HEMK2: variants seen among roughly 807,000 people sequenced by gnomAD.
HEMK2 encodes the protein methyltransferase HEMK2.
At chr21:28,642,899 A>G in the HEMK2 span, among the ~76,000 whole-genome samples, 2 of 152,202 alleles carry the variant, frequency 1.3e-5, no homozygotes, top group East Asian at 3.9e-4. Flanking sequence ...TAAGCACAGG[A>G]TGGGGGCAAG....
At chr21:28,783,972 C>T in the HEMK2 span, among the ~76,000 whole-genome samples, 761 of 152,312 alleles carry the variant, frequency 5.0e-3, 5 homozygotes, top group African/African-American at 0.017. Context: ...TAATTCTCAC[C>T]GGGCCTCAGC....
the HEMK2 span, among the ~76,000 whole-genome samples, chr21:28,836,095 T>G: frequency 6.6e-6 from 1 of 152,188 alleles, no homozygotes; most frequent in Non-Finnish European, 1.5e-5. Context: ...TTCCTCAGCC[T>G]TGCTAGAGAC....
the HEMK2 span, among the ~76,000 whole-genome samples, chr21:28,627,736 A>G: frequency 1.3e-5 from 2 of 152,164 alleles, no homozygotes; most frequent in Non-Finnish European, 2.9e-5. Flanking sequence ...GGAAAACCCC[A>G]AGTTACCACA....
chr21:28,717,846 G>A, the HEMK2 span, among the ~76,000 whole-genome samples: 1,008 of 152,066 alleles, frequency 6.6e-3, 4 homozygotes, highest in Non-Finnish European at 0.011. Context: ...CTAGTTAGCC[G>A]TCTATTGATC....
At chr21:28,863,253 A>T in the HEMK2 span, among the ~76,000 whole-genome samples, 10 of 151,226 alleles carry the variant, frequency 6.6e-5, no homozygotes, top group Non-Finnish European at 1.5e-4. Context: ...CTTCCAGCCT[A>T]TATCTTTCTC....
the HEMK2 span, among the ~76,000 whole-genome samples, chr21:28,833,789 G>A: frequency 2.0e-5 from 3 of 152,174 alleles, no homozygotes; most frequent in African/African-American, 7.2e-5. Context: ...CATTTGCAGT[G>A]AGTCACTAAA....
chr21:28,586,030 A>G, the HEMK2 span, among the ~76,000 whole-genome samples: 1 of 152,210 alleles, frequency 6.6e-6, no homozygotes, highest in African/African-American at 2.4e-5. Context: ...AACACTAGTG[A>G]TACACAAATG....
chr21:28,790,557 G>A, the HEMK2 span, among the ~76,000 whole-genome samples: 1 of 152,048 alleles, frequency 6.6e-6, no homozygotes, highest in Non-Finnish European at 1.5e-5. Flanking sequence ...CCCAGGGCTG[G>A]TGTGAGAAAA....
At chr21:28,576,871 T>A in the HEMK2 span, among the ~76,000 whole-genome samples, 3 of 152,142 alleles carry the variant, frequency 2.0e-5, no homozygotes, top group Non-Finnish European at 4.4e-5. Context: ...CCACCATACC[T>A]GGCTAATTTT....
the HEMK2 span, among the ~76,000 whole-genome samples, chr21:28,710,816 A>T: frequency 6.6e-6 from 1 of 152,186 alleles, no homozygotes; most frequent in African/African-American, 2.4e-5. Flanking sequence ...GCTATTTTTT[A>T]AAACTTCAGA....
chr21:28,581,434 A>G, the HEMK2 span, among the ~76,000 whole-genome samples: 25 of 152,328 alleles, frequency 1.6e-4, no homozygotes, highest in East Asian at 2.7e-3. Flanking sequence ...TACCCAGGGC[A>G]GAAGGAGTCT....
chr21:28,814,823 G>A, the HEMK2 span, among the ~76,000 whole-genome samples: 4 of 152,050 alleles, frequency 2.6e-5, no homozygotes, highest in Admixed American at 1.3e-4. Context: ...TCGGTGTGGC[G>A]ATTCCTCAGG....
chr21:28,722,470 T>C, the HEMK2 span, among the ~76,000 whole-genome samples: 1 of 152,208 alleles, frequency 6.6e-6, no homozygotes, highest in African/African-American at 2.4e-5. Flanking sequence ...TGTTTGTTGT[T>C]TCAAAAATCA....
chr21:28,705,390 C>T, the HEMK2 span, among the ~76,000 whole-genome samples: 1 of 152,132 alleles, frequency 6.6e-6, no homozygotes, highest in Admixed American at 6.6e-5. Flanking sequence ...CTTCAGGAGG[C>T]TACCTTCCTA....
the HEMK2 span, among the ~76,000 whole-genome samples, chr21:28,578,048 T>C: frequency 6.6e-6 from 1 of 152,194 alleles, no homozygotes; most frequent in African/African-American, 2.4e-5. Context: ...TAATTTAAGA[T>C]CAAGTCTAAA....
chr21:28,871,402 C>T, the HEMK2 span, among the ~76,000 whole-genome samples: 2 of 152,106 alleles, frequency 1.3e-5, no homozygotes, highest in Admixed American at 1.3e-4. Flanking sequence ...ACAACCAGAT[C>T]TCGCTAAGAA....
the HEMK2 span, among the ~76,000 whole-genome samples, chr21:28,713,882 A>C: frequency 6.6e-6 from 1 of 152,250 alleles, no homozygotes; most frequent in East Asian, 1.9e-4. Context: ...TTATATGGCC[A>C]ATATGTACAT....
At chr21:28,755,837 G>A in the HEMK2 span, among the ~76,000 whole-genome samples, 1 of 152,106 alleles carries the variant, frequency 6.6e-6, no homozygotes, top group Non-Finnish European at 1.5e-5. Flanking sequence ...ATCTACTGAT[G>A]GATTGCAGTC....
chr21:28,731,658 ATGACAAGTTAATGGG>A, the HEMK2 span, among the ~76,000 whole-genome samples: 1 of 151,856 alleles, frequency 6.6e-6, no homozygotes, highest in African/African-American at 2.4e-5. Context: ...CTAATGCTAA[ATGACAAGTTAATGGG>A]TGCCGCACAC....
Sources: gnomAD v4.1 joint callset for allele counts (sites outside exome capture counted in the v4.1 genomes callset) on GRCh38, gnomAD v4.1.1 for gene constraint, MANE v1.5 for transcripts, NCBI Gene and HGNC (gene_info 2026-07-23, HGNC 2026-07-21) for gene names.